The following NINL variants were observed in gnomAD, a reference collection of about 807,000 sequenced individuals.
NINL encodes the protein ninein like, also known as ninein-like protein.
In NINL, 153 loss-of-function variants were observed where a neutral mutation model predicts 160.3. The observed-to-expected ratio is 0.95, with a 90% confidence interval of 0.84 to 1.09. NINL has a LOEUF of 1.09. Among genes scored for constraint, NINL ranks in the 50% least tolerant of loss-of-function variants. The pLI, the probability that NINL is intolerant of heterozygous loss-of-function variation, is 0.00. For synonymous variants in NINL, 800 were observed against 734.8 expected (o/e 1.09, Z -1.43); for missense variants, 1,829 against 1,764.0 (o/e 1.04, Z -0.66).
chr20:25,534,617 C>T (rs2064525027), intron 1 of NINL, among the ~76,000 whole-genome samples: 1 of 152,132 alleles, frequency 6.6e-6, no homozygotes. Flanking sequence ...AGAAAAGGTA[C>T]AGAACTAGAG....
chr20:25,567,854 A>G (rs1012625500), intron 1 of NINL, among the ~76,000 whole-genome samples: 43 of 152,210 alleles, frequency 2.8e-4, no homozygotes, highest in African/African-American at 9.6e-4. Context: ...CAAAGAGGAC[A>G]TTGCAAGAAA....
chr20:25,543,440 A>G (rs1457531081), intron 1 of NINL, among the ~76,000 whole-genome samples: 6 of 152,168 alleles, frequency 3.9e-5, no homozygotes, highest in Non-Finnish European at 5.9e-5. Context: ...AGTCCCAGCT[A>G]CTCAGGAGAC....
At chr20:25,546,656 C>T (rs1270464292) in intron 1 of NINL, among the ~76,000 whole-genome samples, 1 of 152,086 alleles carries the variant, frequency 6.6e-6, no homozygotes, top group Non-Finnish European at 1.5e-5. Flanking sequence ...ACAACCTACC[C>T]TACCCCCACC....
Position 25,509,133 on chromosome 20 carries a change from G to A in NINL, c.517+1541C>T, listed in dbSNP as rs542786510. 4.7e-4 allele frequency among the ~76,000 whole-genome samples: 72 copies of A among 152,278 alleles called. 1 individual carries two copies. The highest frequency in any genetic ancestry group is 5.7e-4 in the Non-Finnish European group (39 of 68,012). On this transcript the variant is annotated intron_variant, in intron 5 of 23. Coordinates refer to ENST00000278886, the MANE Select transcript of NINL (RefSeq NM_025176.6). ...TTGAGGCTGGCCTGAACTCAGTGAG[G>A]AAATCCCAGCCCTGTTTTTGGGACC...
intron 10 of NINL, among the ~76,000 whole-genome samples, chr20:25,493,301 C>T (rs1275698049): frequency 2.0e-5 from 3 of 152,098 alleles, no homozygotes; most frequent in Non-Finnish European, 2.9e-5. Context: ...CTCGGGAGAA[C>T]GAAGTCGCTG....
intron 4 of NINL, among the ~76,000 whole-genome samples, chr20:25,511,812 A>G (rs2064075317): frequency 1.3e-5 from 2 of 152,184 alleles, no homozygotes; most frequent in South Asian, 4.1e-4. Context: ...AGATTTAAAT[A>G]TATTTTGGTT....
Position 25,569,214 on chromosome 20 carries a change from C to T in NINL, c.-12+16241G>A, listed in dbSNP as rs540144446. Among the ~76,000 whole-genome samples the T allele has an allele frequency of 8.6e-5, 12 of 139,550 alleles. No individual in the cohort carries two copies. In the South Asian group the frequency reaches 1.8e-3, roughly 21 times the overall value. The allele number at this position is 139,550 out of a possible 152,430, so 91.6% of individuals were successfully genotyped here. The stretch of plus-strand genomic sequence containing the variant: ...CTACACTCCAGCCTGGGTGACAGAG[C>T]GAGACTCTGTCTCAAAAAAAAAAAA... On this transcript the variant is annotated intron_variant, in intron 1 of 23. Coordinates refer to ENST00000278886, the MANE Select transcript of NINL (RefSeq NM_025176.6).
At chr20:25,557,247 T>C (rs922062844) in intron 1 of NINL, among the ~76,000 whole-genome samples, 13 of 152,186 alleles carry the variant, frequency 8.5e-5, no homozygotes, top group African/African-American at 1.2e-4. Flanking sequence ...AGGTACAGTA[T>C]TGGTCAGGTG....
chr20:25,544,341 A>C (rs1459109286), intron 1 of NINL, among the ~76,000 whole-genome samples: 1 of 152,176 alleles, frequency 6.6e-6, no homozygotes, highest in East Asian at 1.9e-4. Context: ...AAGACAATGA[A>C]GGAAGGGATC....
chr20:25,524,929 G>GTATA (rs1332582893), intron 2 of NINL, among the ~76,000 whole-genome samples: 2,156 of 147,158 alleles, frequency 0.015, 56 homozygotes, highest in African/African-American at 0.048. Flanking sequence ...ATATATGTGT[G>GTATA]TGTATATATA....
chr20:25,476,774 G>A lies in NINL; in HGVS notation c.2517C>T (p.Gly839=), dbSNP rs768037227. 5.0e-6 allele frequency: 8 copies of A among 1,611,192 alleles called. No homozygotes were observed. In the South Asian group the frequency reaches 7.7e-5, roughly 15 times the overall value. Residue 839 remains glycine (G), a synonymous_variant, in exon 17 of 24, where the codon GGC becomes GGT. Coordinates refer to ENST00000278886, the MANE Select transcript of NINL (RefSeq NM_025176.6). ...LPKDGLVAGS[G]QEGTRGLLPL... is the part of the protein sequence containing the mutation. ...GTAGGAGGCCACGTGTGCCCTCCTG[G>A]CCACTTCCTGCCACCAGCCCATCTT...
rs1376715618 is a variant in NINL at position 25,581,453 on chromosome 20, A to AAG, written c.-12+4001_-12+4002insCT. ...CGAGACTCCTTCTCAGTTTAAAAAA[A>AAG]AAAAAAATCCAAAGGTAAATGTCCA... On this transcript the variant is annotated intron_variant, in intron 1 of 23. Coordinates refer to ENST00000278886, the MANE Select transcript of NINL (RefSeq NM_025176.6). Among the ~76,000 whole-genome samples, 3 of 151,750 alleles carry AAG rather than the reference A, an allele frequency of 2.0e-5. No homozygotes were observed. In the East Asian group the frequency reaches 5.8e-4, roughly 29 times the overall value.
At chr20:25,538,455 A>G (rs1214307012) in intron 1 of NINL, among the ~76,000 whole-genome samples, 1 of 152,154 alleles carries the variant, frequency 6.6e-6, no homozygotes, top group East Asian at 1.9e-4. Flanking sequence ...GAGTTCTTTC[A>G]GCTCACCCCA....
intron 10 of NINL, among the ~76,000 whole-genome samples, chr20:25,494,035 T>C (rs796815379): frequency 6.6e-6 from 1 of 151,488 alleles, no homozygotes. Flanking sequence ...GAACGTACAC[T>C]CCAGGGGGCC....
chr20:25,469,668 G>A (rs563375932), intron 18 of NINL, among the ~76,000 whole-genome samples: 1 of 152,138 alleles, frequency 6.6e-6, no homozygotes, highest in South Asian at 2.1e-4. Flanking sequence ...CAACCCCTAA[G>A]TGCGACGTGC....
chr20:25,464,288 A>G (rs943871748), intron 19 of NINL, among the ~76,000 whole-genome samples: 1 of 152,098 alleles, frequency 6.6e-6, no homozygotes, highest in African/African-American at 2.4e-5. Flanking sequence ...TTGGTGGCAC[A>G]TGCCTGTAGT....
chr20:25,467,583 C>A, intron 18 of NINL, 125 bp from the exon 19 acceptor site: 1 of 729,394 alleles, frequency 1.4e-6, no homozygotes, highest in East Asian at 2.6e-5. Flanking sequence ...CCACACCTGC[C>A]CCTGGCATTC....
chr20:25,478,150 A>G (rs1238043136), intron 16 of NINL, among the ~76,000 whole-genome samples: 1 of 152,060 alleles, frequency 6.6e-6, no homozygotes, highest in Non-Finnish European at 1.5e-5. Flanking sequence ...GGGTTTCACC[A>G]TGTTGGCCAG....
At chr20:25,469,780 C>A (rs1241736634) in intron 18 of NINL, among the ~76,000 whole-genome samples, 1 of 152,186 alleles carries the variant, frequency 6.6e-6, no homozygotes, top group East Asian at 1.9e-4. Flanking sequence ...GGAGCTGGGG[C>A]GTTCAGGTGC....
Sources: allele counts gnomAD v4.1 joint callset (sites outside exome capture counted in the v4.1 genomes callset), GRCh38; gene constraint gnomAD v4.1.1; transcripts MANE v1.5; gene names NCBI Gene and HGNC (gene_info 2026-07-23, HGNC 2026-07-21).